The following MINDY3 variants were observed in gnomAD, a reference collection of about 807,000 sequenced individuals.
The protein encoded by MINDY3 is ubiquitin carboxyl-terminal hydrolase MINDY-3.
In MINDY3, 38 loss-of-function variants were observed where a neutral mutation model predicts 69.2. That is an observed-to-expected ratio of 0.55 (90% CI 0.42 to 0.72). The LOEUF (loss-of-function observed/expected upper bound fraction) is 0.72. MINDY3 is among the 30% of genes least tolerant of loss of function. MINDY3 has a pLI of 0.00. For synonymous variants in MINDY3, 192 were observed against 180.1 expected (o/e 1.07, Z -0.53); for missense variants, 522 against 519.0 (o/e 1.01, Z -0.06).
At chr10:15,801,175 C>T (rs1383057792) in intron 10 of MINDY3, among the ~76,000 whole-genome samples, 8 of 152,022 alleles carry the variant, frequency 5.3e-5, no homozygotes, top group Non-Finnish European at 8.8e-5. Context: ...TGTCCTATTC[C>T]GGCATGGGGG....
chr10:15,843,984 G>C (rs942874957), intron 2 of MINDY3, among the ~76,000 whole-genome samples: 1 of 152,124 alleles, frequency 6.6e-6, no homozygotes, highest in African/African-American at 2.4e-5. Context: ...AGAAAAAACA[G>C]GTTACAATGA....
intron 1 of MINDY3, among the ~76,000 whole-genome samples, chr10:15,853,303 C>G (rs1445278173): frequency 6.6e-6 from 1 of 151,974 alleles, no homozygotes; most frequent in Non-Finnish European, 1.5e-5. Flanking sequence ...CCTGGAAATC[C>G]TAGAGACCTT....
chr10:15,802,038 G>A (rs901509792), intron 10 of MINDY3, among the ~76,000 whole-genome samples: 6 of 150,682 alleles, frequency 4.0e-5, no homozygotes, highest in African/African-American at 1.2e-4. Flanking sequence ...TCTTTTCTCC[G>A]GCTTACGAGA....
At position 15,833,698 on chromosome 10, in the gene MINDY3, A is replaced by C. The variant is rs1054868912; in HGVS notation, c.662T>G (p.Ile221Ser). Residue 221 changes from isoleucine (I) to serine (S), a missense_variant, in exon 8 of 15, where the codon ATT becomes AGT. Physicochemically the swap from Ile to Ser is moderately radical, Grantham distance 142 (BLOSUM62 -2). Coordinates refer to ENST00000277632, the MANE Select transcript of MINDY3 (RefSeq NM_024948.4). Reference sequence around the variant, plus strand: ...AGCATGTCCCGTCAGCAGGAGATTAATTAAACTTTGGCTATTAATAAATAT... The same window carrying C: ...AGCATGTCCCGTCAGCAGGAGATTACTTAAACTTTGGCTATTAATAAATAT... ...PVYGHGSQSLINLLLTGHAVS... is the reference protein window; with the variant it reads ...PVYGHGSQSLSNLLLTGHAVS... The C allele has an allele frequency of 1.9e-6, 3 of 1,608,418 alleles. No homozygotes were observed. The African/African-American group carries it at 4.0e-5, about 22-fold the overall frequency.
At chr10:15,819,442 A>G (rs1455490599) in intron 9 of MINDY3, among the ~76,000 whole-genome samples, 1 of 152,184 alleles carries the variant, frequency 6.6e-6, no homozygotes, top group Non-Finnish European at 1.5e-5. Context: ...TTCTTATTCC[A>G]GCCACTACCA....
intron 11 of MINDY3, among the ~76,000 whole-genome samples, chr10:15,793,189 A>G (rs2131867963): frequency 6.6e-6 from 1 of 152,284 alleles, no homozygotes; most frequent in South Asian, 2.1e-4. Context: ...TCCACAAAAA[A>G]GACACACAAA....
intron 10 of MINDY3, among the ~76,000 whole-genome samples, chr10:15,803,482 T>C (rs1263323251): frequency 6.6e-6 from 1 of 152,138 alleles, no homozygotes; most frequent in East Asian, 1.9e-4. Context: ...TTATTGTACA[T>C]AAAATGGTTT....
intron 1 of MINDY3, among the ~76,000 whole-genome samples, chr10:15,850,647 C>G (rs1434398814): frequency 6.6e-6 from 1 of 152,116 alleles, no homozygotes; most frequent in Non-Finnish European, 1.5e-5. Flanking sequence ...GCTCTCAAAC[C>G]CTGTCTCCTG....
At chr10:15,807,468 C>A (rs1422436512) in intron 10 of MINDY3, among the ~76,000 whole-genome samples, 8 of 152,138 alleles carry the variant, frequency 5.3e-5, no homozygotes, top group Non-Finnish European at 1.2e-4. Flanking sequence ...ACACAATAAT[C>A]CCCCAAATTA....
chr10:15,825,689 A>G (rs1840040416), intron 8 of MINDY3, among the ~76,000 whole-genome samples: 1 of 152,202 alleles, frequency 6.6e-6, no homozygotes, highest in Non-Finnish European at 1.5e-5. Flanking sequence ...TAATTGACAA[A>G]TTAAAGTTGT....
chr10:15,796,166 C>T lies in MINDY3; in HGVS notation c.889G>A (p.Ala297Thr). 1 of 1,612,292 alleles carries T rather than the reference C, an allele frequency of 6.2e-7. No homozygotes were observed. ...HLTVFFAKDM[A>T]LVAPEAPSEQ... ...GAAGGAGCTTCAGGGGCAACTAAAG[C>T]CATATCCTGAAAAGATAAGAAGCAT... Residue 297 changes from alanine to threonine, a missense_variant, in exon 11 of 15, where the codon GCT becomes ACT. Physicochemically the swap from Ala to Thr is moderately conservative, Grantham distance 58. Coordinates refer to ENST00000277632, the MANE Select transcript of MINDY3 (RefSeq NM_024948.4).
chr10:15,819,779 T>C (rs987266037), intron 9 of MINDY3, among the ~76,000 whole-genome samples: 1 of 152,198 alleles, frequency 6.6e-6, no homozygotes, highest in African/African-American at 2.4e-5. Context: ...GCAGAAGCCT[T>C]AAATCTCATT....
At chr10:15,781,338 T>A (rs1836511164) in intron 14 of MINDY3, among the ~76,000 whole-genome samples, 1 of 150,646 alleles carries the variant, frequency 6.6e-6, no homozygotes. Flanking sequence ...CATGGGCAGA[T>A]CAAATTAAAA....
chr10:15,786,357 C>A (rs528946165), intron 13 of MINDY3, among the ~76,000 whole-genome samples: 1 of 152,136 alleles, frequency 6.6e-6, no homozygotes, highest in Non-Finnish European at 1.5e-5. Context: ...TCTGCGTCAT[C>A]TTCTGCTGCC....
chr10:15,814,049 G>C (rs1839191801), intron 10 of MINDY3, among the ~76,000 whole-genome samples: 1 of 151,432 alleles, frequency 6.6e-6, no homozygotes, highest in African/African-American at 2.4e-5. Context: ...ATGCAGAAAT[G>C]TTAAAGAAGG....
rs1243106735 is a variant in MINDY3 at position 15,838,165 on chromosome 10, A to C, written c.461+63T>G. 7.2e-6 allele frequency: 11 copies of C among 1,526,776 alleles called. No homozygotes were observed. In the African/African-American group the frequency reaches 1.1e-4, roughly 15 times the overall value. 94.6% of individuals were successfully genotyped at this position (1,526,776 alleles called of 1,614,324 possible). On this transcript the variant is annotated intron_variant, in intron 5 of 14. Coordinates refer to ENST00000277632, the MANE Select transcript of MINDY3 (RefSeq NM_024948.4). ...AAACTAAGAACCTTTCCACAGTATG[A>C]ACAGACTTAAAGTGGCAATGTGTCC... is the stretch of plus-strand genomic sequence containing the variant.
intron 10 of MINDY3, among the ~76,000 whole-genome samples, chr10:15,811,447 C>T (rs1725229599): frequency 6.6e-6 from 1 of 152,052 alleles, no homozygotes. Context: ...ATTTTCAGTG[C>T]TAGTCATGAG....
chr10:15,818,982 A>G (rs1262686905), intron 9 of MINDY3, among the ~76,000 whole-genome samples: 1 of 152,198 alleles, frequency 6.6e-6, no homozygotes, highest in Non-Finnish European at 1.5e-5. Flanking sequence ...ATCTCCTGGT[A>G]TGTGAGTTAT....
chr10:15,824,284 C>A (rs1315657332), intron 8 of MINDY3, among the ~76,000 whole-genome samples: 6 of 152,084 alleles, frequency 3.9e-5, no homozygotes, highest in Non-Finnish European at 8.8e-5. Context: ...CTTCGCCACA[C>A]TTTTGTTGTT....
Sources: gnomAD v4.1 joint callset for allele counts (sites outside exome capture counted in the v4.1 genomes callset) on GRCh38, gnomAD v4.1.1 for gene constraint, MANE v1.5 for transcripts, NCBI Gene and HGNC (gene_info 2026-07-23, HGNC 2026-07-21) for gene names.